Variants in MMP16 observed in about 807,000 individuals in gnomAD.
The protein encoded by MMP16 is matrix metallopeptidase 16, also known as matrix metalloproteinase-16.
MMP16 carries 12 observed loss-of-function variants against 67.8 expected under a neutral mutation model. That is an observed-to-expected ratio of 0.18 (90% CI 0.11 to 0.29). MMP16 has a LOEUF of 0.29. MMP16 is among the 10% of genes least tolerant of loss of function. The pLI is 1.00. For missense variants in MMP16, 475 were observed against 765.7 expected (o/e 0.62, Z 4.48); for synonymous variants, 249 against 255.9 (o/e 0.97, Z 0.26).
intron 1 of MMP16, among the ~76,000 whole-genome samples, chr8:88,227,244 G>A (rs1453490268): frequency 2.6e-5 from 4 of 151,920 alleles, no homozygotes; most frequent in African/African-American, 9.7e-5. Flanking sequence ...TATACATATA[G>A]CAAAATTAAT....
rs545580345 is a variant in MMP16, at chr8:88,289,796, T to A, written c.132+37279A>T. ...TGGTAGATTCCATTTTCCTCTTTTT[T>A]AAAAAAAAAGGAAAAAAAAATTCAC... On this transcript the variant is annotated intron_variant, in intron 1 of 9. Transcript: ENST00000286614. 3.2e-3 allele frequency among the ~76,000 whole-genome samples: 484 copies of A among 149,926 alleles called. 3 individuals carry two copies. Among genetic ancestry groups the A allele is most frequent in the Middle Eastern group, 0.024 (7 of 288 alleles).
chr8:88,162,443 T>C (rs574480650), intron 4 of MMP16, among the ~76,000 whole-genome samples: 41 of 152,224 alleles, frequency 2.7e-4, no homozygotes, highest in Non-Finnish European at 4.9e-4. Flanking sequence ...AAGAAAAATG[T>C]AGTAGAGTTA....
At chr8:88,042,802 C>A (rs1308406916) in intron 9 of MMP16, among the ~76,000 whole-genome samples, 2 of 152,076 alleles carry the variant, frequency 1.3e-5, no homozygotes, top group Non-Finnish European at 1.5e-5. Flanking sequence ...GGTCTATTCT[C>A]CAAATTTTAT....
intron 1 of MMP16, among the ~76,000 whole-genome samples, chr8:88,293,161 A>G (rs1810952932): frequency 6.6e-6 from 1 of 152,184 alleles, no homozygotes; most frequent in African/African-American, 2.4e-5. Flanking sequence ...ATTATTTTAA[A>G]TAGATAAAAG....
intron 3 of MMP16, among the ~76,000 whole-genome samples, chr8:88,182,532 C>T (rs1294886536): frequency 6.6e-6 from 1 of 152,100 alleles, no homozygotes; most frequent in Non-Finnish European, 1.5e-5. Context: ...AGAATAACTA[C>T]AACTGAATAC....
chr8:88,276,214 A>T (rs570614159), intron 1 of MMP16, among the ~76,000 whole-genome samples: 30 of 152,242 alleles, frequency 2.0e-4, no homozygotes, highest in Admixed American at 3.9e-4. Context: ...TGGGGTACCC[A>T]AGCTCAGACA....
intron 1 of MMP16, among the ~76,000 whole-genome samples, chr8:88,197,575 C>T (rs566211546): frequency 4.3e-4 from 65 of 152,166 alleles, no homozygotes; most frequent in Admixed American, 2.6e-4. Context: ...TAATGTATAA[C>T]GTACTATAGC....
chr8:88,127,350 C>T (rs1807952141), intron 4 of MMP16, among the ~76,000 whole-genome samples: 1 of 151,478 alleles, frequency 6.6e-6, no homozygotes, highest in African/African-American at 2.4e-5. Flanking sequence ...TGATTGATGG[C>T]AAAGAAAGCA....
At chr8:88,281,073 A>C (rs1337954912) in intron 1 of MMP16, among the ~76,000 whole-genome samples, 1 of 152,212 alleles carries the variant, frequency 6.6e-6, no homozygotes, top group Non-Finnish European at 1.5e-5. Flanking sequence ...TCATAAACAC[A>C]GCAAAGCAGA....
intron 6 of MMP16, among the ~76,000 whole-genome samples, chr8:88,095,793 C>A (rs1809016405): frequency 6.6e-6 from 1 of 151,844 alleles, no homozygotes; most frequent in South Asian, 2.1e-4. Context: ...ATTCAAAAGA[C>A]TTCCCAAATC....
chr8:88,318,499 C>T (rs902625250), intron 1 of MMP16, among the ~76,000 whole-genome samples: 58 of 152,254 alleles, frequency 3.8e-4, no homozygotes, highest in Middle Eastern at 3.4e-3. Context: ...GGAATACAAA[C>T]GATGTTCGTA....
chr8:88,208,256 T>C (rs924179113), intron 1 of MMP16, among the ~76,000 whole-genome samples: 1 of 152,196 alleles, frequency 6.6e-6, no homozygotes, highest in African/African-American at 2.4e-5. Flanking sequence ...GTTGGGTTTA[T>C]GGTCAGGACT....
rs184069612 is a variant in MMP16 at position 88,226,688 on chromosome 8, C to T, written c.133-29382G>A. On this transcript the variant is annotated intron_variant, in intron 1 of 9. Coordinates refer to ENST00000286614, the MANE Select transcript of MMP16 (RefSeq NM_005941.5). ...TGGGGCTCCTACAGGTTCCTTCTTA[C>T]TGCCCAAAAGCCAGCTCTTGTGTCC... Among the ~76,000 whole-genome samples, 4 of 152,054 alleles carry T rather than the reference C, an allele frequency of 2.6e-5. No homozygotes were observed. The East Asian group carries it at 7.8e-4, about 30-fold the overall frequency.
At chr8:88,182,166 A>G (rs1289604954) in intron 3 of MMP16, among the ~76,000 whole-genome samples, 1 of 152,126 alleles carries the variant, frequency 6.6e-6, no homozygotes, top group African/African-American at 2.4e-5. Flanking sequence ...GGACATTATT[A>G]AAATTACACT....
chr8:88,071,339 C>T (rs745997381), intron 7 of MMP16, among the ~76,000 whole-genome samples: 4 of 151,886 alleles, frequency 2.6e-5, no homozygotes, highest in African/African-American at 4.8e-5. Flanking sequence ...AAGGTTAATA[C>T]CTTTAGGTAT....
chr8:88,056,139 G>T lies in MMP16; in HGVS notation c.1362C>A (p.Phe454Leu). The T allele has an allele frequency of 6.4e-7, 1 of 1,567,758 alleles. No homozygotes were observed. The highest frequency in any genetic ancestry group is 2.4e-5 in the East Asian group (1 of 42,448). ...WWEDVGKTYF[F>L]KGDRYWRYSE... ...AAGTGTATACTGACCTGTCTCCCTT[G>T]AAGAAATAGGTTTTCCCGACGTCCT... The change falls in exon 8 of 10, where the codon TTC becomes TTA. Residue 454 changes from phenylalanine to leucine, a missense_variant. This residue lies in a region of MMP16 where 195 missense variants were observed against 300.9 expected (regional missense o/e 0.65). Transcript: ENST00000286614.
At chr8:88,107,170 A>G (rs192269331) in intron 6 of MMP16, among the ~76,000 whole-genome samples, 36 of 151,304 alleles carry the variant, frequency 2.4e-4, no homozygotes, top group African/African-American at 8.0e-4. Context: ...ATAAATTTGC[A>G]TAACAGTAAG....
At chr8:88,273,981 T>C (rs1036937972) in intron 1 of MMP16, among the ~76,000 whole-genome samples, 2 of 152,118 alleles carry the variant, frequency 1.3e-5, no homozygotes, top group Admixed American at 6.5e-5. Flanking sequence ...ACCATCATCA[T>C]CATCATCATC....
intron 1 of MMP16, among the ~76,000 whole-genome samples, chr8:88,321,162 C>T (rs1031789653): frequency 1.3e-5 from 2 of 152,024 alleles, no homozygotes; most frequent in Non-Finnish European, 2.9e-5. Flanking sequence ...TATTCAAAAT[C>T]AAATATGTGG....
Sources: gnomAD v4.1 joint callset for allele counts (sites outside exome capture counted in the v4.1 genomes callset) on GRCh38, gnomAD v4.1.1 for gene constraint, gnomAD v4.1.1 regional missense constraint, MANE v1.5 for transcripts, NCBI Gene and HGNC (gene_info 2026-07-23, HGNC 2026-07-21) for gene names.